HDAC4: variants seen among roughly 807,000 people sequenced by gnomAD.
The protein encoded by HDAC4 is histone deacetylase A.
In HDAC4, 16 loss-of-function variants were observed where a neutral mutation model predicts 135.1. The ratio of observed to expected loss-of-function variants is 0.12; its 90% CI spans 0.08 to 0.18. The LOEUF (loss-of-function observed/expected upper bound fraction) is 0.18. Ranked by LOEUF, HDAC4 falls within the 10% of genes least tolerant of loss-of-function variation. HDAC4 has a pLI of 1.00. For missense variants in HDAC4, 1,143 were observed against 1,511.8 expected (o/e 0.76, Z 4.05); for synonymous variants, 685 against 653.4 (o/e 1.05, Z -0.74).
chr2:239,386,182 C>T (rs1035104421), intron 1 of HDAC4, among the ~76,000 whole-genome samples: 14 of 151,928 alleles, frequency 9.2e-5, no homozygotes, highest in Admixed American at 2.0e-4. Flanking sequence ...GCCTGTGTCT[C>T]GGAGGTTCAG....
intron 26 of HDAC4, 119 bp from the exon 27 acceptor site, chr2:239,053,255 G>A: frequency 7.2e-7 from 1 of 1,391,528 alleles, no homozygotes; most frequent in East Asian, 2.3e-5. Flanking sequence ...GCCCTGGCCT[G>A]GCAGCCCCGG....
chr2:239,108,231 C>T (rs2152785855), intron 14 of HDAC4, 48 bp from the exon 15 acceptor site: 4 of 1,563,918 alleles, frequency 2.6e-6, no homozygotes, highest in East Asian at 2.4e-5. Context: ...CAGGGGCGAG[C>T]CGACCACCCA....
At chr2:239,318,577 C>G (rs2053197368) in intron 2 of HDAC4, among the ~76,000 whole-genome samples, 1 of 151,928 alleles carries the variant, frequency 6.6e-6, no homozygotes, top group Admixed American at 6.6e-5. Flanking sequence ...TTTTCCAACT[C>G]TACTCACTGA....
chr2:239,164,662 G>GT (rs1349850781), intron 5 of HDAC4, among the ~76,000 whole-genome samples: 1 of 152,210 alleles, frequency 6.6e-6, no homozygotes, highest in Non-Finnish European at 1.5e-5. Flanking sequence ...AGCACCTTAA[G>GT]TATCTTCCTA....
chr2:239,066,273 A>G lies in HDAC4; in HGVS notation c.3003+449T>C, dbSNP rs548716447. On this transcript the variant is annotated intron_variant, in intron 24 of 26. Transcript: ENST00000543185. The stretch of plus-strand genomic sequence containing the variant: ...CCTGTCCCTGGGGGCTCAGAGCAGC[A>G]GACAGGCCTGCTGGGCAGAAGAGCC... 2.0e-5 allele frequency among the ~76,000 whole-genome samples: 3 copies of G among 152,346 alleles called. No homozygotes were observed. In the East Asian group the frequency reaches 5.8e-4, roughly 29 times the overall value.
chr2:239,254,634 A>T (rs547458035), intron 2 of HDAC4, among the ~76,000 whole-genome samples: 2 of 152,358 alleles, frequency 1.3e-5, no homozygotes, highest in South Asian at 4.1e-4. Flanking sequence ...AGGAAAAGAT[A>T]AAGGAGAGAA....
rs2106376078 is a variant in HDAC4 at position 239,052,304 on chromosome 2, G to A, written c.*793C>T. The A allele has an allele frequency of 6.6e-6, 1 of 152,408 alleles. No individual in the cohort carries two copies. The highest frequency in any genetic ancestry group is 1.9e-4 in the East Asian group (1 of 5,184). 9.4% of individuals were successfully genotyped at this position (152,408 alleles called of 1,614,324 possible). ...CAGCTCGCGGTGCCAGCACTGCCAG[G>A]CTCGGCTGGCCACAGGAAACTGTCC... On this transcript the variant is annotated 3_prime_UTR_variant, in exon 27 of 27. Transcript: ENST00000543185.
intron 22 of HDAC4, among the ~76,000 whole-genome samples, chr2:239,069,413 G>A (rs1307362137): frequency 9.4e-5 from 9 of 95,314 alleles, no homozygotes; most frequent in South Asian, 4.0e-4. Context: ...AGTGAGTCAC[G>A]GTGCAAGCCA....
chr2:239,257,134 T>G (rs930382291), intron 2 of HDAC4, among the ~76,000 whole-genome samples: 1 of 152,186 alleles, frequency 6.6e-6, no homozygotes, highest in Non-Finnish European at 1.5e-5. Context: ...ATTGCCTGAT[T>G]TTCCATATAT....
At chr2:239,362,620 A>G (rs1466224522) in intron 1 of HDAC4, among the ~76,000 whole-genome samples, 4 of 152,172 alleles carry the variant, frequency 2.6e-5, no homozygotes, top group African/African-American at 9.7e-5. Flanking sequence ...CTGGTGACGG[A>G]ACGGCCAGTG....
rs142828674 is a variant in HDAC4, at chr2:239,190,707, C to T, written c.95-630G>A. On this transcript the variant is annotated intron_variant, in intron 3 of 26. Coordinates refer to ENST00000543185, the MANE Select transcript of HDAC4 (RefSeq NM_001378414.1). ...GTGCTCCTGGCTCTTGGCACAAGTG[C>T]GTTCCTCTGGGCATGCGTTTCTGCA... is the stretch of plus-strand genomic sequence containing the variant. 2.5e-3 allele frequency among the ~76,000 whole-genome samples: 375 copies of T among 152,284 alleles called. 2 individuals carry two copies. The highest frequency in any genetic ancestry group is 3.4e-3 in the Middle Eastern group (1 of 294).
At chr2:239,385,154 C>T (rs1575790897) in intron 1 of HDAC4, among the ~76,000 whole-genome samples, 1 of 152,236 alleles carries the variant, frequency 6.6e-6, no homozygotes, top group Non-Finnish European at 1.5e-5. Flanking sequence ...AGGCCCATAG[C>T]CCCTGACTGC....
intron 1 of HDAC4, among the ~76,000 whole-genome samples, chr2:239,369,764 T>G (rs766078639): frequency 6.6e-6 from 1 of 152,096 alleles, no homozygotes; most frequent in Non-Finnish European, 1.5e-5. Context: ...CTGGGCCACC[T>G]TCTCTCAAGC....
At chr2:239,225,789 AC>A (rs1467950403) in intron 3 of HDAC4, among the ~76,000 whole-genome samples, 1 of 152,188 alleles carries the variant, frequency 6.6e-6, no homozygotes, top group Non-Finnish European at 1.5e-5. Flanking sequence ...CTGGTCAGAC[AC>A]CTGGCTCTGA....
At chr2:239,293,963 A>G (rs775144363) in intron 2 of HDAC4, among the ~76,000 whole-genome samples, 6 of 152,204 alleles carry the variant, frequency 3.9e-5, no homozygotes, top group Non-Finnish European at 8.8e-5. Flanking sequence ...AGGACTTTAA[A>G]TCATCCACTT....
intron 2 of HDAC4, among the ~76,000 whole-genome samples, chr2:239,255,276 G>T (rs2048988694): frequency 1.3e-5 from 2 of 149,118 alleles, no homozygotes; most frequent in Admixed American, 6.8e-5. Context: ...CCGAGACTAT[G>T]TGTAATCTTG....
chr2:239,312,289 G>A (rs2052918004), intron 2 of HDAC4, among the ~76,000 whole-genome samples: 1 of 152,136 alleles, frequency 6.6e-6, no homozygotes, highest in Non-Finnish European at 1.5e-5. Flanking sequence ...CCACAGCCTT[G>A]GTGCCAGGGC....
At chr2:239,117,865 G>A (rs1162835972) in intron 12 of HDAC4, among the ~76,000 whole-genome samples, 3 of 152,202 alleles carry the variant, frequency 2.0e-5, no homozygotes, top group African/African-American at 4.8e-5. Context: ...CACCGCATCC[G>A]ACTGTTTCCA....
chr2:239,108,861 C>T (rs1028076352), intron 14 of HDAC4, among the ~76,000 whole-genome samples: 32 of 152,228 alleles, frequency 2.1e-4, no homozygotes, highest in Non-Finnish European at 3.5e-4. Context: ...CCCCAGGGTG[C>T]GGCAGCCACA....
Sources: gnomAD v4.1 joint callset for allele counts (sites outside exome capture counted in the v4.1 genomes callset) on GRCh38, gnomAD v4.1.1 for gene constraint, MANE v1.5 for transcripts, NCBI Gene and HGNC (gene_info 2026-07-23, HGNC 2026-07-21) for gene names.